The following ZFP91 variants were observed in gnomAD, a reference collection of about 807,000 sequenced individuals.
The protein encoded by ZFP91 is E3 ubiquitin-protein ligase ZFP91.
ZFP91 carries 7 observed loss-of-function variants against 63.5 expected under a neutral mutation model. The observed-to-expected ratio is 0.11, with a 90% CI of 0.06 to 0.21. The LOEUF (loss-of-function observed/expected upper bound fraction) is 0.21, where lower values mean the gene tolerates loss of function less well. Among genes scored for constraint, ZFP91 ranks in the 10% least tolerant of loss-of-function variants. ZFP91 has a pLI of 1.00. For missense variants in ZFP91, 628 were observed against 736.6 expected (o/e 0.85, Z 1.71); for synonymous variants, 330 against 272.1 (o/e 1.21, Z -2.10).
chr11:58,611,783 C>G lies in ZFP91; in HGVS notation c.857+45C>G, dbSNP rs200768181. 30 of 1,555,444 alleles carry G rather than the reference C, an allele frequency of 1.9e-5. 1 individual carries two copies. The South Asian group carries it at 3.5e-4, about 18-fold the overall frequency. On this transcript the variant is annotated intron_variant, in intron 6 of 10. Transcript: ENST00000316059. ...AAATGAAAATCTAACAGATTTTGAA[C>G]GACTAGTGGAAAAAAGAGTGGGAGT... is the stretch of plus-strand genomic sequence containing the variant.
At position 58,617,853 on chromosome 11, in the gene ZFP91, T is replaced by C; in HGVS notation, c.*147T>C. On this transcript the variant is annotated 3_prime_UTR_variant, in exon 11 of 11. Transcript: ENST00000316059. The surrounding 1 kb of genome is among the most constrained non-coding windows in gnomAD (Gnocchi z 4.2). ...TTGTGGATCACAGCACACACATACATACACCCTCCACCTCCCCATCCCCTG... is the reference window on the plus strand; with the variant it reads ...TTGTGGATCACAGCACACACATACACACACCCTCCACCTCCCCATCCCCTG... The C allele has an allele frequency of 9.3e-7, 1 of 1,078,026 alleles. No individual in the cohort carries two copies. 66.8% of individuals were successfully genotyped at this position (1,078,026 alleles called of 1,614,324 possible).
At chr11:58,612,029 C>CT in intron 6 of ZFP91, 1 of 533,960 alleles carries the variant, frequency 1.9e-6, no homozygotes. Context: ...TCTTCTAAGT[C>CT]TTTCATAGTA....
Position 58,617,814 on chromosome 11 carries a change from G to A in ZFP91, c.*108G>A. The A allele has an allele frequency of 7.9e-6, 11 of 1,399,210 alleles. No individual in the cohort carries two copies. The highest frequency in any genetic ancestry group is 1.0e-5 in the Non-Finnish European group (11 of 1,076,232). The allele number at this position is 1,399,210 out of a possible 1,614,324, so 86.7% of individuals were successfully genotyped here. ...TAAAATCTAGTGAAATAACTGAAGG[G>A]CCTGCTCTTTCCATTGTGGATCACA... is the stretch of plus-strand genomic sequence containing the variant. On this transcript the variant is annotated 3_prime_UTR_variant, in exon 11 of 11. Coordinates refer to ENST00000316059, the MANE Select transcript of ZFP91 (RefSeq NM_053023.5). The surrounding 1 kb of genome is among the most constrained non-coding windows in gnomAD (Gnocchi z 4.2).
chr11:58,579,112 G>T lies in ZFP91; in HGVS notation c.-170G>T. Reference sequence around the variant, plus strand: ...GCGGTAGCGGACCTTGAGTGGCAGGGGGTGGGGGGGGCGCCCTCGGAGCCG... The same window carrying T: ...GCGGTAGCGGACCTTGAGTGGCAGGTGGTGGGGGGGGCGCCCTCGGAGCCG... On this transcript the variant is annotated 5_prime_UTR_variant, in exon 1 of 11. Transcript: ENST00000316059. 2.0e-6 allele frequency: 1 copy of T among 509,560 alleles called. No individual in the cohort carries two copies. Among genetic ancestry groups the T allele is most frequent in the Non-Finnish European group, 3.2e-6 (1 of 317,004 alleles). 31.6% of individuals were successfully genotyped at this position (509,560 alleles called of 1,614,324 possible). A position where few individuals can be genotyped will look rare whatever the true frequency, so the allele number is the denominator to read the frequency against.
intron 2 of ZFP91, among the ~76,000 whole-genome samples, chr11:58,605,663 A>T (rs1855558872): frequency 6.6e-6 from 1 of 151,014 alleles, no homozygotes; most frequent in Non-Finnish European, 1.5e-5. Context: ...CTTGTTGCTT[A>T]TGAGTCACTT....
intron 9 of ZFP91, among the ~76,000 whole-genome samples, 164 bp from the exon 10 acceptor site, chr11:58,616,552 C>T (rs776352841): frequency 6.6e-6 from 1 of 151,244 alleles, no homozygotes. Flanking sequence ...TTTTTTAAAG[C>T]AATACTTTTC....
chr11:58,599,239 G>T lies in ZFP91; in HGVS notation c.371-10591G>T, dbSNP rs373871529. Among the ~76,000 whole-genome samples the T allele has an allele frequency of 1.3e-3, 194 of 152,098 alleles. 1 individual carries two copies. The highest frequency in any genetic ancestry group is 4.5e-3 in the African/African-American group (186 of 41,518). On this transcript the variant is annotated intron_variant, in intron 2 of 10. Coordinates refer to ENST00000316059, the MANE Select transcript of ZFP91 (RefSeq NM_053023.5). ...TATTTGGGTTGTTTCCACAATTTGG[G>T]TATTGAGAATTGTGCTTCTATGAAT...
At position 58,617,291 on chromosome 11, in the gene ZFP91, A is replaced by G; in HGVS notation, c.1298A>G (p.Asn433Ser). Residue 433 changes from asparagine to serine, a missense_variant, in exon 11 of 11, where the codon AAT becomes AGT. Coordinates refer to ENST00000316059, the MANE Select transcript of ZFP91 (RefSeq NM_053023.5). This position sits in a 1 kb window ranked among gnomAD's most constrained non-coding sequence, Gnocchi z 4.2. ...DADSFYQFSC[N>S]ICGKKFEKKD... ...GACTCCTTCTACCAGTTTTCTTGCA[A>G]TATCTGTGGCAAAAAATTTGAGAAG... 6 of 1,614,082 alleles carry G rather than the reference A, an allele frequency of 3.7e-6. No individual in the cohort carries two copies. Among genetic ancestry groups the G allele is most frequent in the Non-Finnish European group, 4.2e-6 (5 of 1,179,982 alleles).
At chr11:58,579,714 C>A in intron 1 of ZFP91, 92 bp downstream of exon 1, 1 of 1,221,968 alleles carries the variant, frequency 8.2e-7, no homozygotes, top group Non-Finnish European at 1.1e-6. Context: ...ACGTGACATC[C>A]TGCCTGGTCT....
intron 1 of ZFP91, among the ~76,000 whole-genome samples, 192 bp downstream of exon 1, chr11:58,579,814 T>C (rs1284071149): frequency 6.6e-6 from 1 of 152,104 alleles, no homozygotes; most frequent in Non-Finnish European, 1.5e-5. Context: ...CTCGCTCCTG[T>C]ACCTTCGCTT....
intron 6 of ZFP91, chr11:58,611,943 C>A (rs1278309131): frequency 3.4e-6 from 2 of 580,250 alleles, no homozygotes; most frequent in East Asian, 6.0e-5. Context: ...AGTTCTATTG[C>A]AAGGAGAAGG....
chr11:58,580,837 G>A (rs979719152), intron 1 of ZFP91, among the ~76,000 whole-genome samples: 1 of 152,098 alleles, frequency 6.6e-6, no homozygotes, highest in Admixed American at 6.5e-5. Flanking sequence ...CAGTTCTGTC[G>A]ACAGCAAAAA....
In ZFP91 at chr11:58,612,341, T is replaced by TA. The variant is rs1238383517; in HGVS notation, c.908+14dup. On this transcript the variant is annotated intron_variant, in intron 7 of 10. Transcript: ENST00000316059. ...TACCCAAAAGGAGGTGAGGAATTTT[T>TA]ACCCCTACTGTTTTACACCTTATTC... is the stretch of plus-strand genomic sequence containing the variant. The TA allele has an allele frequency of 5.0e-6, 8 of 1,613,262 alleles. No individual in the cohort carries two copies. Among genetic ancestry groups the TA allele is most frequent in the Non-Finnish European group, 5.9e-6 (7 of 1,179,498 alleles).
chr11:58,595,310 GACCTTT>G (rs1471109243), intron 2 of ZFP91, among the ~76,000 whole-genome samples: 8 of 152,124 alleles, frequency 5.3e-5, no homozygotes, highest in Non-Finnish European at 7.4e-5. Flanking sequence ...GAGATTTGAA[GACCTTT>G]ACCTTTAGTA....
At position 58,594,855 on chromosome 11, in the gene ZFP91, G is replaced by A. The variant is rs79875925; in HGVS notation, c.370+9971G>A. ...TTTTAATCACAATAAAATTTCTCTA[G>A]TTCTGTTTTGAAACATAAGGAAATA... On this transcript the variant is annotated intron_variant, in intron 2 of 10. Coordinates refer to ENST00000316059, the MANE Select transcript of ZFP91 (RefSeq NM_053023.5). Among the ~76,000 whole-genome samples the A allele has an allele frequency of 1.0e-2, 1,516 of 152,164 alleles. 25 individuals carry two copies. The highest frequency in any genetic ancestry group is 0.035 in the African/African-American group (1,461 of 41,516).
chr11:58,602,161 G>A (rs1247768405), intron 2 of ZFP91, among the ~76,000 whole-genome samples: 1 of 152,186 alleles, frequency 6.6e-6, no homozygotes, highest in African/African-American at 2.4e-5. Flanking sequence ...GACCTCAGGT[G>A]ATCTGCCTGC....
rs1006027968 is a variant in ZFP91 at position 58,620,676 on chromosome 11, A to T, written c.*2970A>T. 1 of 152,622 alleles carries T rather than the reference A, an allele frequency of 6.6e-6. No individual in the cohort carries two copies. Among genetic ancestry groups the T allele is most frequent in the African/African-American group, 2.4e-5 (1 of 41,446 alleles). 9.5% of individuals were successfully genotyped at this position (152,622 alleles called of 1,614,324 possible). ...CCTCCTTTGTACCTGTTTGGGGAAA[A>T]AGTATAATGAGTGTACTACCAATCT... On this transcript the variant is annotated 3_prime_UTR_variant, in exon 11 of 11. Transcript: ENST00000316059.
chr11:58,613,729 A>G (rs1051721341), intron 8 of ZFP91, among the ~76,000 whole-genome samples: 2 of 152,134 alleles, frequency 1.3e-5, no homozygotes, highest in African/African-American at 4.8e-5. Context: ...ATTTTTGATG[A>G]GTAAACGTAC....
Position 58,617,660 on chromosome 11 carries a change from C to T in ZFP91, c.1667C>T (p.Ala556Val). Reference protein sequence around the residue: ...GLVMNSDILGATTEVLIEDSD... With the variant: ...GLVMNSDILGVTTEVLIEDSD... ...GTTATGAACTCAGATATACTCGGTG[C>T]TACCACAGAGGTTCTGATTGAAGAT... is the stretch of plus-strand genomic sequence containing the variant. Residue 556 changes from alanine to valine, a missense_variant, in exon 11 of 11, where the codon GCT (alanine) becomes GTT (valine). Around this residue, in one of 3 missense-constraint regions of ZFP91, gnomAD observed 115 missense variants for 125.4 expected, o/e 0.92. Coordinates refer to ENST00000316059, the MANE Select transcript of ZFP91 (RefSeq NM_053023.5). This position sits in a 1 kb window ranked among gnomAD's most constrained non-coding sequence, Gnocchi z 4.2. 2 of 1,541,564 alleles carry T rather than the reference C, an allele frequency of 1.3e-6. No homozygotes were observed. Among genetic ancestry groups the T allele is most frequent in the East Asian group, 2.3e-5 (1 of 44,136 alleles).
Sources: gnomAD v4.1 joint callset for allele counts (sites outside exome capture counted in the v4.1 genomes callset) on GRCh38, gnomAD v4.1.1 for gene constraint, gnomAD v4.1.1 regional missense constraint, Gnocchi (gnomAD v3.1) non-coding constraint, MANE v1.5 for transcripts, NCBI Gene and HGNC (gene_info 2026-07-23, HGNC 2026-07-21) for gene names.